The following KICS2 variants were observed in gnomAD, a reference collection of about 807,000 sequenced individuals.
The protein encoded by KICS2 is KICSTOR complex protein C12orf66.
In KICS2, 13 loss-of-function variants were observed where a neutral mutation model predicts 31.4. The observed-to-expected ratio is 0.41, with a 90% CI of 0.27 to 0.66. KICS2 has a LOEUF of 0.66. Among genes scored for constraint, KICS2 ranks in the 30% least tolerant of loss-of-function variants. The pLI, the probability that KICS2 is intolerant of heterozygous loss-of-function variation, is 0.28. For synonymous variants in KICS2, 209 were observed against 214.8 expected (o/e 0.97, Z 0.24); for missense variants, 455 against 545.4 (o/e 0.83, Z 1.65).
At position 64,222,034 on chromosome 12, in the gene KICS2, A is replaced by G. The variant is rs2037688594; in HGVS notation, c.204T>C (p.Tyr68=). 12 of 1,613,722 alleles carry G rather than the reference A, an allele frequency of 7.4e-6. No homozygotes were observed. Among genetic ancestry groups the G allele is most frequent in the Non-Finnish European group, 1.0e-5 (12 of 1,179,886 alleles). Residue 68 remains tyrosine, a synonymous_variant, in exon 1 of 3, where the codon TAT becomes TAC. Coordinates refer to ENST00000398055, the MANE Select transcript of KICS2 (RefSeq NM_152440.5). ...TCTGCCCCAGGTAGGTGAGGCTGTG[A>G]TAGACCTTCTCGGCCGCGGCCAGGT... The part of the protein sequence containing the change: ...LAHLAAAEKV[Y]HSLTYLGQKL...
Position 64,192,760 on chromosome 12 carries a change from G to A in KICS2, c.*1082C>T. On this transcript the variant is annotated 3_prime_UTR_variant, in exon 3 of 3. Transcript: ENST00000398055. ...AACACCTGCCGAAGGAAAGAAATAAGGCAGCATGTGCTAAGATGCAGTGCT... is the reference window on the plus strand; with the variant it reads ...AACACCTGCCGAAGGAAAGAAATAAAGCAGCATGTGCTAAGATGCAGTGCT... 3.0e-6 allele frequency: 3 copies of A among 985,416 alleles called. No homozygotes were observed. The highest frequency in any genetic ancestry group is 3.6e-6 in the Non-Finnish European group (3 of 829,956). The allele number at this position is 985,416 out of a possible 1,614,324, so 61.0% of individuals were successfully genotyped here. A position where few individuals can be genotyped will look rare whatever the true frequency, so the allele number is the denominator to read the frequency against.
At chr12:64,221,553 A>C in intron 1 of KICS2, 1 of 170,868 alleles carries the variant, frequency 5.9e-6, no homozygotes, top group South Asian at 1.5e-4. Context: ...TTGGGGGACT[A>C]TGAAGACGGG....
Position 64,215,684 on chromosome 12 carries a change from C to T in KICS2, c.515G>A (p.Ser172Asn). 6.2e-7 allele frequency: 1 copy of T among 1,612,636 alleles called. No individual in the cohort carries two copies. Among genetic ancestry groups the T allele is most frequent in the Non-Finnish European group, 8.5e-7 (1 of 1,179,566 alleles). The part of the protein sequence containing the change: ...GLLDAIMKKY[S>N]SRFHHPILSP... ...CCCTCCTCCCCACACTGACCTGGAG[C>T]TGTATTTTTTCATGATGGCATCCAA... The change falls in exon 2 of 3, where the codon AGC becomes AAC. Residue 172 changes from serine (S) to asparagine (N), a missense_variant. By Grantham distance (46) the Ser-to-Asn change is conservative (BLOSUM62 1). Transcript: ENST00000398055.
chr12:64,208,993 C>T (rs192163435), intron 2 of KICS2, among the ~76,000 whole-genome samples: 1,803 of 151,070 alleles, frequency 0.012, 31 homozygotes, highest in African/African-American at 0.041. Context: ...TCTTTTATAC[C>T]CACAAACAAT....
rs2037388872 is a variant in KICS2, at chr12:64,192,523, C to T, written c.*1319G>A. The T allele has an allele frequency of 3.7e-6, 3 of 814,202 alleles. No homozygotes were observed. Among genetic ancestry groups the T allele is most frequent in the African/African-American group, 3.7e-5 (2 of 53,748 alleles). 50.4% of individuals were successfully genotyped at this position (814,202 alleles called of 1,614,324 possible). A position where few individuals can be genotyped will look rare whatever the true frequency, so the allele number is the denominator to read the frequency against. On this transcript the variant is annotated 3_prime_UTR_variant, in exon 3 of 3. Transcript: ENST00000398055. ...GGTCTCTGCTGATGTTGCTGGCATA[C>T]CTGCTGTGGACACCCAGTAAAACAG...
intron 1 of KICS2, chr12:64,221,719 T>C (rs1205415072): frequency 1.9e-6 from 1 of 517,512 alleles, no homozygotes; most frequent in Non-Finnish European, 3.5e-6. Context: ...TTCTCATTTA[T>C]GGCATCAATC....
chr12:64,206,605 A>T (rs1233161604), intron 2 of KICS2, among the ~76,000 whole-genome samples: 1 of 152,252 alleles, frequency 6.6e-6, no homozygotes, highest in East Asian at 1.9e-4. Context: ...TTGAGCCATG[A>T]TGCTTAAAAT....
downstream of KICS2, among the ~76,000 whole-genome samples, chr12:64,189,993 G>A (rs2037366978): frequency 6.6e-6 from 1 of 152,022 alleles, no homozygotes; most frequent in Admixed American, 6.6e-5. Context: ...TCATAATATA[G>A]GAGAACTAAA....
In KICS2 at chr12:64,202,465, C is replaced by T. The variant is rs114359739; in HGVS notation, c.522-7807G>A. On this transcript the variant is annotated intron_variant, in intron 2 of 2. Transcript: ENST00000398055. ...TACACTTTATATTGTGACCAAGTAC[C>T]TGCACACATAAATATTTTATTTCAA... Among the ~76,000 whole-genome samples the T allele has an allele frequency of 7.9e-3, 1,201 of 152,030 alleles. 17 individuals carry two copies. The highest frequency in any genetic ancestry group is 0.026 in the African/African-American group (1,088 of 41,466).
intron 2 of KICS2, among the ~76,000 whole-genome samples, chr12:64,213,419 A>G (rs1057272123): frequency 6.6e-6 from 1 of 152,166 alleles, no homozygotes; most frequent in Non-Finnish European, 1.5e-5. Context: ...AAAGTGTTCC[A>G]CTTCTCTGGG....
intron 2 of KICS2, among the ~76,000 whole-genome samples, chr12:64,203,724 T>G (rs2037511711): frequency 6.6e-6 from 1 of 152,290 alleles, no homozygotes; most frequent in Admixed American, 6.5e-5. Flanking sequence ...AAGTACTAAT[T>G]AAAAGGATTA....
intron 2 of KICS2, 127 bp downstream of exon 2, chr12:64,215,551 G>A (rs1000976294): frequency 5.6e-6 from 5 of 886,382 alleles, no homozygotes; most frequent in African/African-American, 1.7e-5. Flanking sequence ...TGTATAAAAT[G>A]TAATCCAGTT....
downstream of KICS2, among the ~76,000 whole-genome samples, chr12:64,189,709 A>C (rs1365799416): frequency 6.6e-6 from 1 of 152,156 alleles, no homozygotes; most frequent in Non-Finnish European, 1.5e-5. Flanking sequence ...AAGCATAAGA[A>C]AGCTGGAAGG....
intron 2 of KICS2, chr12:64,205,039 CT>C (rs2037524222): frequency 6.6e-6 from 1 of 152,196 alleles, no homozygotes; most frequent in Admixed American, 6.5e-5. Flanking sequence ...ATATCACAAT[CT>C]TCTATAATCA....
At chr12:64,212,128 T>C (rs996243767) in intron 2 of KICS2, among the ~76,000 whole-genome samples, 2 of 143,978 alleles carry the variant, frequency 1.4e-5, no homozygotes, top group African/African-American at 5.0e-5. Flanking sequence ...ATATGTTCAT[T>C]GTACAGTCAT....
In KICS2 at chr12:64,222,293, T is replaced by A; in HGVS notation, c.-56A>T. ...CTCTCCTCGGCCTCGCACTTCCGGG[T>A]TCTGAGGGAACGGGCTTGCGCACAA... On this transcript the variant is annotated 5_prime_UTR_variant, in exon 1 of 3. Transcript: ENST00000398055. 6.3e-7 allele frequency: 1 copy of A among 1,588,430 alleles called. No individual in the cohort carries two copies. Among genetic ancestry groups the A allele is most frequent in the Non-Finnish European group, 8.6e-7 (1 of 1,167,592 alleles).
At chr12:64,220,745 A>T (rs1043896946) in intron 1 of KICS2, among the ~76,000 whole-genome samples, 1 of 152,196 alleles carries the variant, frequency 6.6e-6, no homozygotes, top group African/African-American at 2.4e-5. Flanking sequence ...AATAAGTTAT[A>T]TGAATGCAAA....
At chr12:64,214,233 T>G (rs551729414) in intron 2 of KICS2, among the ~76,000 whole-genome samples, 27 of 152,362 alleles carry the variant, frequency 1.8e-4, no homozygotes, top group African/African-American at 6.5e-4. Flanking sequence ...ATGTGCTAGG[T>G]TCTGTTCCAG....
chr12:64,201,617 AAG>A (rs1289968862), intron 2 of KICS2, among the ~76,000 whole-genome samples: 7 of 120,494 alleles, frequency 5.8e-5, no homozygotes, highest in African/African-American at 1.7e-4. Flanking sequence ...AAAAAAAAAA[AAG>A]AAAAAAAAAA....
Sources: allele counts gnomAD v4.1 joint callset (sites outside exome capture counted in the v4.1 genomes callset), GRCh38; gene constraint gnomAD v4.1.1; transcripts MANE v1.5; gene names NCBI Gene and HGNC (gene_info 2026-07-23, HGNC 2026-07-21).